Variants in BAG6 observed in about 807,000 individuals in gnomAD.
The protein encoded by BAG6 is large proline-rich protein BAG6.
A neutral mutation model predicts 121.0 loss-of-function variants in BAG6; 22 were observed. The observed-to-expected ratio is 0.18, with a 90% CI of 0.13 to 0.26. The LOEUF (loss-of-function observed/expected upper bound fraction) is 0.26, where lower values mean the gene tolerates loss of function less well. Among genes scored for constraint, BAG6 ranks in the 10% least tolerant of loss-of-function variants. The pLI, the probability that BAG6 is intolerant of heterozygous loss-of-function variation, is 1.00. For missense variants in BAG6, 1,233 were observed against 1,537.7 expected, an observed-to-expected ratio of 0.80 and a Z score of 3.31; for synonymous variants, 583 against 584.6, an observed-to-expected ratio of 1.00 and a Z score of 0.04.
rs138429242 is a variant in BAG6 at position 31,640,819 on chromosome 6, G to A, written c.2907C>T (p.Tyr969=). Residue 969 remains tyrosine, a synonymous_variant, in exon 21 of 26, where the codon TAC becomes TAT. Transcript: ENST00000676615. The surrounding 1 kb of genome is among the most constrained non-coding windows in gnomAD (Gnocchi z 4.2). ...MPVGPDAILR[Y]VRRVGDPPQP... is the part of the protein sequence containing the mutation. ...GGGGGGGATCACCAACCCTGCGAAC[G>A]TATCTGAGAATGGCATCAGGGCCTA... 4.8e-4 allele frequency: 776 copies of A among 1,612,684 alleles called. 2 individuals are homozygous for A. In the African/African-American group the frequency reaches 5.5e-3, roughly 11 times the overall value.
At chr6:31,642,609 G>T in intron 15 of BAG6, 1 of 662,992 alleles carries the variant, frequency 1.5e-6, no homozygotes, top group Non-Finnish European at 2.5e-6. Context: ...TGAACAGGCT[G>T]TCAGAAAGCA....
Position 31,641,800 on chromosome 6 carries a change from C to T in BAG6, c.2481G>A (p.Gln827=), listed in dbSNP as rs1043985268. ...SFFHQHYLGG[Q]EPTPSNIRMA... ...CCCGGATGTTACTGGGTGTGGGCTC[C>T]TGACCACCCAGGTAGTGCTGGTGGA... The change falls in exon 17 of 26, where the codon CAG becomes CAA. Residue 827 remains glutamine, a synonymous_variant. Transcript: ENST00000676615. The surrounding 1 kb of genome is among the most constrained non-coding windows in gnomAD (Gnocchi z 5.7). 6.8e-6 allele frequency: 11 copies of T among 1,613,038 alleles called. No homozygotes were observed. The highest frequency in any genetic ancestry group is 2.7e-5 in the African/African-American group (2 of 74,922).
chr6:31,645,628 A>G (rs1788254088), intron 8 of BAG6, 24 bp from the exon 9 acceptor site: 4 of 1,610,350 alleles, frequency 2.5e-6, no homozygotes, highest in Non-Finnish European at 3.4e-6. Context: ...GCCAAACACA[A>G]AAAGGCAGAA....
In BAG6 at chr6:31,639,045, G is replaced by GA. The variant is rs1779304178; in HGVS notation, c.*85dup. On this transcript the variant is annotated 3_prime_UTR_variant, in exon 26 of 26. Transcript: ENST00000676615. ...AGACAATGTAGAGAGAAAGCAGCCAGAAAAATCCGACTTTTATTTCTTAAA... is the reference window on the plus strand; with the variant it reads ...AGACAATGTAGAGAGAAAGCAGCCAGAAAAAATCCGACTTTTATTTCTTAAA... 2.5e-6 allele frequency: 3 copies of GA among 1,186,626 alleles called. No individual in the cohort carries two copies. Among genetic ancestry groups the GA allele is most frequent in the Admixed American group, 5.0e-5 (2 of 39,702 alleles). The allele number at this position is 1,186,626 out of a possible 1,614,324, so 73.5% of individuals were successfully genotyped here. A position where few individuals can be genotyped will look rare whatever the true frequency, so the allele number is the denominator to read the frequency against.
Position 31,640,856 on chromosome 6 carries a change from T to C in BAG6, c.2870A>G (p.Glu957Gly). 1 of 1,612,612 alleles carries C rather than the reference T, an allele frequency of 6.2e-7. No homozygotes were observed. Among genetic ancestry groups the C allele is most frequent in the Non-Finnish European group, 8.5e-7 (1 of 1,180,022 alleles). ...GGCATCAGGGCCTACAGGCATGTGCTCCAGTACCACCTGAAGCCTCAGTCC... is the reference window on the plus strand; with the variant it reads ...GGCATCAGGGCCTACAGGCATGTGCCCCAGTACCACCTGAAGCCTCAGTCC... ...MMGLRLQVVLEHMPVGPDAIL... is the reference protein window; with the variant it reads ...MMGLRLQVVLGHMPVGPDAIL... Residue 957 changes from glutamate (E) to glycine (G), a missense_variant, in exon 21 of 26, where the codon GAG becomes GGG. Glu to Gly is a moderately conservative substitution (Grantham distance 98). Coordinates refer to ENST00000676615, the MANE Select transcript of BAG6 (RefSeq NM_001387994.1). This position sits in a 1 kb window ranked among gnomAD's most constrained non-coding sequence, Gnocchi z 4.2.
chr6:31,648,174 C>A (rs988785576), intron 6 of BAG6, among the ~76,000 whole-genome samples: 1 of 152,078 alleles, frequency 6.6e-6, no homozygotes, highest in African/African-American at 2.4e-5. Context: ...TGCCACCACA[C>A]CCAACTAATT....
chr6:31,639,922 A>T, intron 24 of BAG6: 2 of 615,604 alleles, frequency 3.2e-6, no homozygotes, highest in Non-Finnish European at 5.6e-6. Flanking sequence ...GGTAATCCAC[A>T]AGAGGAAACC....
intron 14 of BAG6, 133 bp downstream of exon 14, chr6:31,643,757 G>C: frequency 2.3e-6 from 1 of 441,466 alleles, no homozygotes; most frequent in Non-Finnish European, 3.9e-6. Context: ...GCTGAAACCT[G>C]AAGACACAAG....
At position 31,639,093 on chromosome 6, in the gene BAG6, A is replaced by T. The variant is rs1463303320; in HGVS notation, c.*38T>A. 1 of 1,535,084 alleles carries T rather than the reference A, an allele frequency of 6.5e-7. No individual in the cohort carries two copies. Among genetic ancestry groups the T allele is most frequent in the Non-Finnish European group, 8.9e-7 (1 of 1,119,340 alleles). On this transcript the variant is annotated 3_prime_UTR_variant, in exon 26 of 26. Coordinates refer to ENST00000676615, the MANE Select transcript of BAG6 (RefSeq NM_001387994.1). Reference sequence around the variant, plus strand: ...AAATACTGTGAAGGAAGAGGGGGGAAACGGTCCCCTGATGAGGAAGGGCCA... The same window carrying T: ...AAATACTGTGAAGGAAGAGGGGGGATACGGTCCCCTGATGAGGAAGGGCCA...
Position 31,651,642 on chromosome 6 carries a change from G to C in BAG6, c.108+14C>G. On this transcript the variant is annotated intron_variant, in intron 2 of 25. Coordinates refer to ENST00000676615, the MANE Select transcript of BAG6 (RefSeq NM_001387994.1). ...AAGCTAAAGGTGTCTTCCAGAACTAGTGAGGTGTCTCACCTGGGCCCCCAC... is the reference window on the plus strand; with the variant it reads ...AAGCTAAAGGTGTCTTCCAGAACTACTGAGGTGTCTCACCTGGGCCCCCAC... The C allele has an allele frequency of 1.2e-6, 2 of 1,608,554 alleles. No homozygotes were observed. The highest frequency in any genetic ancestry group is 1.7e-6 in the Non-Finnish European group (2 of 1,175,874).
In BAG6 at chr6:31,640,830, T is replaced by C. The variant is rs144562066; in HGVS notation, c.2896A>G (p.Ile966Val). The change falls in exon 21 of 26, where the codon ATT (isoleucine) becomes GTT (valine). Residue 966 changes from isoleucine to valine, a missense_variant. Physicochemically the swap from Ile to Val is conservative, Grantham distance 29. Transcript: ENST00000676615. This position sits in a 1 kb window ranked among gnomAD's most constrained non-coding sequence, Gnocchi z 4.2. ...LEHMPVGPDA[I>V]LRYVRRVGDP... is the part of the protein sequence containing the mutation. ...CCAACCCTGCGAACGTATCTGAGAA[T>C]GGCATCAGGGCCTACAGGCATGTGC... The C allele has an allele frequency of 6.0e-5, 96 of 1,612,582 alleles. No homozygotes were observed. Among genetic ancestry groups the C allele is most frequent in the Non-Finnish European group, 7.5e-5 (89 of 1,180,036 alleles).
At position 31,645,156 on chromosome 6, in the gene BAG6, G is replaced by A. The variant is rs771305744; in HGVS notation, c.1159C>T (p.Arg387Trp). Residue 387 changes from arginine (R) to tryptophan (W), a missense_variant, in exon 10 of 26, where the codon CGG (arginine) becomes TGG (tryptophan). Transcript: ENST00000676615. The part of the protein sequence containing the change: ...TTVTMTGNGT[R>W]PPPTPNAEAP... ...TCTGCATTGGGAGTTGGGGGGGGCC[G>A]AGTCCCATTTCCTGTCATGGTCACA... 11 of 1,612,630 alleles carry A rather than the reference G, an allele frequency of 6.8e-6. No individual in the cohort carries two copies. The highest frequency in any genetic ancestry group is 2.2e-5 in the East Asian group (1 of 44,882).
At position 31,639,183 on chromosome 6, in the gene BAG6, T is replaced by C. The variant is rs2150599038; in HGVS notation, c.3437A>G (p.Tyr1146Cys). The C allele has an allele frequency of 6.2e-7, 1 of 1,613,964 alleles. No individual in the cohort carries two copies. ...GGCATTGGGGAAGCGCTGGGGACTG[T>C]AGTTGGGGTCTTCCTGCAGTCGTTT... ...IQKRLQEDPNYSPQRFPNAQR... is the reference protein window; with the variant it reads ...IQKRLQEDPNCSPQRFPNAQR... Residue 1146 changes from tyrosine to cysteine, a missense_variant, in exon 26 of 26, where the codon TAC (tyrosine) becomes TGC (cysteine). Tyr to Cys is a radical substitution (Grantham distance 194). Coordinates refer to ENST00000676615, the MANE Select transcript of BAG6 (RefSeq NM_001387994.1).
Position 31,642,290 on chromosome 6 carries a change from T to G in BAG6, c.2157A>C (p.Gly719=), listed in dbSNP as rs2150731536. Residue 719 remains glycine, a synonymous_variant, in exon 16 of 26, where the codon GGA becomes GGC. Transcript: ENST00000676615. Reference sequence around the variant, plus strand: ...GTGACAGGCTCTCAAGACCCAGGCCTCCAGGACTCCCTGCGCCACCAGAAG... The same window carrying G: ...GTGACAGGCTCTCAAGACCCAGGCCGCCAGGACTCCCTGCGCCACCAGAAG... ...GSPSGGAGSP[G]GLGLESLSPE... 2 of 1,511,890 alleles carry G rather than the reference T, an allele frequency of 1.3e-6. No individual in the cohort carries two copies. Among genetic ancestry groups the G allele is most frequent in the Middle Eastern group, 3.7e-4 (2 of 5,348 alleles). The allele number at this position is 1,511,890 out of a possible 1,614,324, so 93.7% of individuals were successfully genotyped here.
intron 8 of BAG6, among the ~76,000 whole-genome samples, chr6:31,645,967 T>C (rs890161596): frequency 7.9e-5 from 12 of 152,192 alleles, no homozygotes; most frequent in African/African-American, 2.7e-4. Context: ...AGAAATTGTT[T>C]TGTTGCAATG....
At position 31,639,107 on chromosome 6, in the gene BAG6, G is replaced by A. The variant is rs999090068; in HGVS notation, c.*24C>T. On this transcript the variant is annotated 3_prime_UTR_variant, in exon 26 of 26. Transcript: ENST00000676615. The stretch of plus-strand genomic sequence containing the variant: ...AAGAGGGGGGAAACGGTCCCCTGAT[G>A]AGGAAGGGCCATAGAGCAAAGAGCT... The A allele has an allele frequency of 6.3e-6, 10 of 1,582,148 alleles. No homozygotes were observed. The highest frequency in any genetic ancestry group is 8.6e-6 in the Non-Finnish European group (10 of 1,157,636).
intron 4 of BAG6, 111 bp downstream of exon 4, chr6:31,649,088 A>G: frequency 6.6e-7 from 1 of 1,513,726 alleles, no homozygotes; most frequent in Non-Finnish European, 9.0e-7. Flanking sequence ...AGCACACCAC[A>G]GGGCCCCCTG....
chr6:31,640,449 C>A lies in BAG6; in HGVS notation c.3074G>T (p.Gly1025Val). 1.2e-6 allele frequency: 2 copies of A among 1,613,606 alleles called. No individual in the cohort carries two copies. The highest frequency in any genetic ancestry group is 1.1e-5 in the South Asian group (1 of 91,086). The change falls in exon 23 of 26, where the codon GGC (glycine) becomes GTC (valine). Residue 1025 changes from glycine (G) to valine (V), a missense_variant. By Grantham distance (109) the Gly-to-Val change is moderately radical. Around this residue, in one of 7 missense-constraint regions of BAG6, gnomAD observed 288 missense variants for 483.1 expected, o/e 0.60. Transcript: ENST00000676615. The surrounding 1 kb of genome is among the most constrained non-coding windows in gnomAD (Gnocchi z 4.2). ...SRGPPPAPEG[G>V]SRDEQDGASA... ...AGCTCCATCCTGTTCATCCCGGGAG[C>A]CCCCCTCAGGAGCAGGAGGTGGACC...
In BAG6 at chr6:31,649,641, G is replaced by C; in HGVS notation, c.109-14C>G. On this transcript the variant is annotated splice_polypyrimidine_tract_variant and intron_variant, in intron 2 of 25. Transcript: ENST00000676615. ...TTTTACATTCATCTGAAAAGAAGAG[G>C]CATGCACAGGAATGGAAAGAATGGA... 6.2e-7 allele frequency: 1 copy of C among 1,600,580 alleles called. No homozygotes were observed. The highest frequency in any genetic ancestry group is 8.6e-7 in the Non-Finnish European group (1 of 1,167,870).
Sources: gnomAD v4.1 joint callset for allele counts (sites outside exome capture counted in the v4.1 genomes callset) on GRCh38, gnomAD v4.1.1 for gene constraint, gnomAD v4.1.1 regional missense constraint, Gnocchi (gnomAD v3.1) non-coding constraint, MANE v1.5 for transcripts, NCBI Gene and HGNC (gene_info 2026-07-23, HGNC 2026-07-21) for gene names.